The following PTK2 variants were observed in gnomAD, a reference collection of about 807,000 sequenced individuals.
PTK2 encodes the protein focal adhesion kinase 1.
In PTK2, 45 loss-of-function variants were observed where a neutral mutation model predicts 150.1. The ratio of observed to expected loss-of-function variants is 0.30; its 90% CI spans 0.24 to 0.38. The LOEUF (loss-of-function observed/expected upper bound fraction) is 0.38, where lower values mean the gene tolerates loss of function less well. PTK2 is among the 10% of genes least tolerant of loss of function. PTK2 has a pLI of 1.00. For missense variants in PTK2, 919 were observed against 1,307.3 expected, an observed-to-expected ratio of 0.70 and a Z score of 4.58; for synonymous variants, 432 against 449.2, an observed-to-expected ratio of 0.96 and a Z score of 0.48.
chr8:140,848,754 A>T (rs2100127230), intron 5 of PTK2, among the ~76,000 whole-genome samples: 1 of 152,172 alleles, frequency 6.6e-6, no homozygotes, highest in Admixed American at 6.5e-5. Flanking sequence ...GAGCACAAAA[A>T]TAAAGGCGCA....
chr8:140,799,999 A>C (rs2100093986), intron 12 of PTK2, among the ~76,000 whole-genome samples: 1 of 152,154 alleles, frequency 6.6e-6, no homozygotes, highest in African/African-American at 2.4e-5. Context: ...TATTCATTCT[A>C]ATCTTTGATT....
intron 2 of PTK2, among the ~76,000 whole-genome samples, chr8:140,916,245 G>A (rs1383095363): frequency 6.6e-6 from 1 of 152,214 alleles, no homozygotes; most frequent in Non-Finnish European, 1.5e-5. Flanking sequence ...TAAGGAATGT[G>A]GATTAGGATA....
At chr8:140,714,796 CAAAAAA>C (rs398010102) in intron 23 of PTK2, among the ~76,000 whole-genome samples, 4 of 46,864 alleles carry the variant, frequency 8.5e-5, no homozygotes, top group African/African-American at 2.7e-4. Flanking sequence ...GGCTCTGTCT[CAAAAAA>C]AAAAAAAAAA....
At chr8:140,896,634 G>GT (rs1208602917) in intron 2 of PTK2, among the ~76,000 whole-genome samples, 3 of 152,134 alleles carry the variant, frequency 2.0e-5, no homozygotes, top group Non-Finnish European at 4.4e-5. Context: ...CTGACAAAGA[G>GT]TATCTACATG....
At chr8:140,876,071 T>C (rs1346588382) in intron 4 of PTK2, among the ~76,000 whole-genome samples, 2 of 152,194 alleles carry the variant, frequency 1.3e-5, no homozygotes, top group Non-Finnish European at 2.9e-5. Context: ...TTCCCCTTGG[T>C]TACTATTTGT....
chr8:140,805,154 G>T (rs1007583089), intron 10 of PTK2, among the ~76,000 whole-genome samples: 2 of 152,074 alleles, frequency 1.3e-5, no homozygotes, highest in African/African-American at 4.8e-5. Flanking sequence ...CATGCATCCA[G>T]CTCCCTATAT....
chr8:140,719,185 C>T (rs184025505), intron 22 of PTK2, among the ~76,000 whole-genome samples: 1 of 151,752 alleles, frequency 6.6e-6, no homozygotes, highest in African/African-American at 2.4e-5. Context: ...CAAAAAAAAA[C>T]CCCCAAAATC....
intron 2 of PTK2, among the ~76,000 whole-genome samples, chr8:140,918,144 G>A (rs1226907630): frequency 1.3e-5 from 2 of 152,190 alleles, no homozygotes; most frequent in East Asian, 1.9e-4. Context: ...AGAATGCAGA[G>A]ATGATGGTTC....
intron 2 of PTK2, among the ~76,000 whole-genome samples, chr8:140,906,307 AAT>A (rs1443327118): frequency 6.6e-6 from 1 of 152,164 alleles, no homozygotes; most frequent in Non-Finnish European, 1.5e-5. Flanking sequence ...AAAAAACAAA[AAT>A]AGAATATATG....
intron 4 of PTK2, among the ~76,000 whole-genome samples, chr8:140,868,623 T>A (rs2100140770): frequency 6.6e-6 from 1 of 152,216 alleles, no homozygotes; most frequent in Non-Finnish European, 1.5e-5. Context: ...ATTATGGACT[T>A]CCTGATACAA....
intron 2 of PTK2, among the ~76,000 whole-genome samples, chr8:140,891,636 C>T (rs2100154284): frequency 6.6e-6 from 1 of 152,180 alleles, no homozygotes; most frequent in South Asian, 2.1e-4. Flanking sequence ...ACCAGCAGAG[C>T]TTTCGGCAGC....
intron 10 of PTK2, among the ~76,000 whole-genome samples, chr8:140,806,230 C>G (rs561057854): frequency 6.6e-6 from 1 of 152,272 alleles, no homozygotes; most frequent in Non-Finnish European, 1.5e-5. Context: ...ATGCAACTTA[C>G]GCGTAATGCA....
intron 14 of PTK2, among the ~76,000 whole-genome samples, chr8:140,778,603 GTGCTA>G (rs1326094358): frequency 1.3e-5 from 2 of 152,242 alleles, no homozygotes; most frequent in African/African-American, 4.8e-5. Flanking sequence ...CAATGTGGTT[GTGCTA>G]TTCGCTTTAC....
intron 11 of PTK2, among the ~76,000 whole-genome samples, chr8:140,803,280 G>A (rs890157791): frequency 2.6e-5 from 4 of 151,950 alleles, no homozygotes; most frequent in African/African-American, 7.2e-5. Flanking sequence ...TTACAGGTGT[G>A]GGCCACCGCG....
chr8:140,702,560 C>T lies in PTK2; in HGVS notation c.2367+10G>A, dbSNP rs2154105035. On this transcript the variant is annotated intron_variant, in intron 25 of 31. Coordinates refer to ENST00000522684, the Ensembl canonical transcript of PTK2. ...AGTTAACAAACTGAAGCCCAAGACACCCGATTTACCTCCACATTGGGCTGC... is the reference window on the plus strand; with the variant it reads ...AGTTAACAAACTGAAGCCCAAGACATCCGATTTACCTCCACATTGGGCTGC... 1 of 1,612,660 alleles carries T rather than the reference C, an allele frequency of 6.2e-7. No individual in the cohort carries two copies. The highest frequency in any genetic ancestry group is 8.5e-7 in the Non-Finnish European group (1 of 1,179,372).
intron 2 of PTK2, among the ~76,000 whole-genome samples, chr8:140,906,202 AAAG>A (rs2100160815): frequency 6.6e-6 from 1 of 152,206 alleles, no homozygotes; most frequent in African/African-American, 2.4e-5. Context: ...CTATTATAAA[AAAG>A]ACAAAAAATA....
chr8:140,836,725 A>C (rs181568999), intron 7 of PTK2, among the ~76,000 whole-genome samples: 49 of 152,350 alleles, frequency 3.2e-4, no homozygotes, highest in Admixed American at 7.8e-4. Flanking sequence ...TATCTTACAG[A>C]TATCAGATAC....
intron 2 of PTK2, among the ~76,000 whole-genome samples, chr8:140,893,591 C>G (rs1002051227): frequency 6.6e-6 from 1 of 152,110 alleles, no homozygotes; most frequent in Admixed American, 6.6e-5. Context: ...CAAATCTATA[C>G]AGAAGAAAGT....
intron 14 of PTK2, among the ~76,000 whole-genome samples, chr8:140,784,079 G>A (rs1228369959): frequency 2.0e-5 from 3 of 152,130 alleles, no homozygotes; most frequent in Non-Finnish European, 2.9e-5. Context: ...AGAGGCAGGA[G>A]GCTTGAACCT....
Sources: gnomAD v4.1 joint callset for allele counts (sites outside exome capture counted in the v4.1 genomes callset) on GRCh38, gnomAD v4.1.1 for gene constraint, MANE v1.5 for transcripts, NCBI Gene and HGNC (gene_info 2026-07-23, HGNC 2026-07-21) for gene names.